Variants in ADARB2 observed in about 807,000 individuals in gnomAD.
ADARB2 encodes adenosine deaminase RNA specific B2 (inactive).
Under a neutral mutation model 62.2 loss-of-function variants are expected in ADARB2, and 25 were observed. The observed-to-expected ratio is 0.40, with a 90% confidence interval of 0.29 to 0.56. The LOEUF is 0.56. Ranked by LOEUF, ADARB2 falls within the 20% of genes least tolerant of loss-of-function variation. ADARB2 has a pLI of 0.43. For missense variants in ADARB2, 1,071 were observed against 1,077.4 expected (o/e 0.99, Z 0.08); for synonymous variants, 572 against 500.8 (o/e 1.14, Z -1.90).
intron 1 of ADARB2, among the ~76,000 whole-genome samples, chr10:1,403,221 G>T (rs1320059000): frequency 6.6e-6 from 1 of 152,236 alleles, no homozygotes; most frequent in African/African-American, 2.4e-5. Context: ...CAAGAGCCAA[G>T]ATTGTGCCTT....
At chr10:1,661,636 C>T (rs1216005677) in intron 1 of ADARB2, among the ~76,000 whole-genome samples, 1 of 152,128 alleles carries the variant, frequency 6.6e-6, no homozygotes, top group Non-Finnish European at 1.5e-5. Context: ...AGAACCAGCC[C>T]AGAGCAGAGA....
chr10:1,300,459 C>T (rs1256733639), intron 3 of ADARB2, among the ~76,000 whole-genome samples: 2 of 152,190 alleles, frequency 1.3e-5, no homozygotes, highest in African/African-American at 4.8e-5. Flanking sequence ...CATTGCTGGG[C>T]TCACACAGAC....
At chr10:1,185,886 C>T (rs1410411566) in intron 8 of ADARB2, among the ~76,000 whole-genome samples, 1 of 152,242 alleles carries the variant, frequency 6.6e-6, no homozygotes, top group Non-Finnish European at 1.5e-5. Context: ...GGTCTCCACT[C>T]TGGGGTGGCA....
At chr10:1,347,668 C>T (rs933036770) in intron 3 of ADARB2, among the ~76,000 whole-genome samples, 1 of 152,188 alleles carries the variant, frequency 6.6e-6, no homozygotes, top group Non-Finnish European at 1.5e-5. Flanking sequence ...AGTAAGACCA[C>T]GGGTGCCTCG....
At chr10:1,712,089 G>T (rs946680334) in intron 1 of ADARB2, among the ~76,000 whole-genome samples, 3 of 152,166 alleles carry the variant, frequency 2.0e-5, no homozygotes. Flanking sequence ...TTATAAATTT[G>T]TAAGATGTAT....
intron 1 of ADARB2, among the ~76,000 whole-genome samples, chr10:1,657,003 G>GTGTA (rs1834179969): frequency 6.7e-6 from 1 of 149,938 alleles, no homozygotes; most frequent in Non-Finnish European, 1.5e-5. Flanking sequence ...CTAGTGTTTT[G>GTGTA]TGTGTGTGTG....
At chr10:1,324,391 C>A (rs547317580) in intron 3 of ADARB2, among the ~76,000 whole-genome samples, 7 of 152,144 alleles carry the variant, frequency 4.6e-5, no homozygotes, top group Non-Finnish European at 1.0e-4. Flanking sequence ...TGGGCATTTA[C>A]CCCAGAGGGC....
chr10:1,431,302 C>T (rs767661218), intron 1 of ADARB2, among the ~76,000 whole-genome samples: 1 of 152,064 alleles, frequency 6.6e-6, no homozygotes, highest in Non-Finnish European at 1.5e-5. Flanking sequence ...AGTCTTCAAA[C>T]ATTTGGAAAT....
chr10:1,391,766 A>T (rs948975905), intron 1 of ADARB2, among the ~76,000 whole-genome samples: 5 of 91,640 alleles, frequency 5.5e-5, no homozygotes, highest in South Asian at 4.2e-4. Context: ...TAAGAATTGG[A>T]TTTTTTTTTT....
intron 1 of ADARB2, among the ~76,000 whole-genome samples, chr10:1,649,846 G>C (rs143873587): frequency 4.5e-4 from 68 of 152,340 alleles, no homozygotes; most frequent in African/African-American, 1.6e-3. Flanking sequence ...AGCTCCACTA[G>C]AGATCTTAGA....
chr10:1,187,511 C>A (rs1057327802), intron 8 of ADARB2, among the ~76,000 whole-genome samples: 4 of 151,960 alleles, frequency 2.6e-5, no homozygotes, highest in South Asian at 2.1e-4. Context: ...GCCTTGGGAG[C>A]CTGAGGTCTA....
chr10:1,384,981 C>T (rs1215694635), intron 1 of ADARB2, among the ~76,000 whole-genome samples: 1 of 152,104 alleles, frequency 6.6e-6, no homozygotes, highest in Non-Finnish European at 1.5e-5. Flanking sequence ...TAGGATTCAG[C>T]TGGGATTGTA....
chr10:1,234,804 A>C (rs545526558), intron 5 of ADARB2, among the ~76,000 whole-genome samples: 30 of 120,094 alleles, frequency 2.5e-4, no homozygotes, highest in Non-Finnish European at 3.5e-4. Context: ...GCTGCAGTGC[A>C]GTGGTGCAAT....
intron 1 of ADARB2, among the ~76,000 whole-genome samples, chr10:1,546,756 G>A (rs1266324878): frequency 6.6e-6 from 1 of 152,248 alleles, no homozygotes; most frequent in Non-Finnish European, 1.5e-5. Flanking sequence ...GAGGTCGAAA[G>A]GCTGCAGAAC....
chr10:1,527,536 A>G (rs1832164125), intron 1 of ADARB2, among the ~76,000 whole-genome samples: 1 of 152,268 alleles, frequency 6.6e-6, no homozygotes, highest in Non-Finnish European at 1.5e-5. Context: ...ACTGGCAAGA[A>G]GAATGCTGTT....
At chr10:1,193,615 A>G (rs545405311) in intron 8 of ADARB2, among the ~76,000 whole-genome samples, 4 of 152,332 alleles carry the variant, frequency 2.6e-5, no homozygotes, top group African/African-American at 9.6e-5. Flanking sequence ...CCCAGATAAC[A>G]CATGGAGTGT....
intron 2 of ADARB2, among the ~76,000 whole-genome samples, chr10:1,375,660 C>G (rs1036578498): frequency 6.6e-6 from 1 of 152,194 alleles, no homozygotes; most frequent in Non-Finnish European, 1.5e-5. Flanking sequence ...CACGGGAGAC[C>G]GGAGGAGGCA....
At chr10:1,421,353 C>T (rs900373094) in intron 1 of ADARB2, among the ~76,000 whole-genome samples, 1 of 151,936 alleles carries the variant, frequency 6.6e-6, no homozygotes, top group Non-Finnish European at 1.5e-5. Context: ...GTCTCAGTGT[C>T]TCAGGGTCAG....
intron 1 of ADARB2, among the ~76,000 whole-genome samples, chr10:1,717,817 A>T (rs1835040865): frequency 6.6e-6 from 1 of 152,080 alleles, no homozygotes; most frequent in African/African-American, 2.4e-5. Context: ...ACCTCAAGTG[A>T]TCCACCTGCC....
Sources: gnomAD v4.1 joint callset for allele counts (sites outside exome capture counted in the v4.1 genomes callset) on GRCh38, gnomAD v4.1.1 for gene constraint, MANE v1.5 for transcripts, NCBI Gene and HGNC (gene_info 2026-07-23, HGNC 2026-07-21) for gene names.